Variants in OTUD7A observed in about 807,000 individuals in gnomAD.
OTUD7A encodes the protein OTU domain-containing protein 7A.
Under a neutral mutation model 65.7 loss-of-function variants are expected in OTUD7A, and 12 were observed. That is an observed-to-expected ratio of 0.18 (90% CI 0.12 to 0.30). The LOEUF (loss-of-function observed/expected upper bound fraction) is 0.30, where lower values mean the gene tolerates loss of function less well. Ranked by LOEUF, OTUD7A falls within the 10% of genes least tolerant of loss-of-function variation. The probability of loss-of-function intolerance (pLI) is 1.00; values close to 1 mark genes in which losing one functional copy is unlikely to be tolerated. For synonymous variants in OTUD7A, 641 were observed against 586.3 expected (o/e 1.09, Z -1.35); for missense variants, 1,148 against 1,304.8 (o/e 0.88, Z 1.85).
chr15:31,866,107 T>C (rs1897869146), intron 1 of OTUD7A, among the ~76,000 whole-genome samples: 1 of 152,264 alleles, frequency 6.6e-6, no homozygotes, highest in Non-Finnish European at 1.5e-5. Flanking sequence ...GTATTAGCAT[T>C]AATGTGTATT....
intron 3 of OTUD7A, among the ~76,000 whole-genome samples, chr15:31,620,376 G>A (rs1461318294): frequency 6.6e-6 from 1 of 152,048 alleles, no homozygotes; most frequent in African/African-American, 2.4e-5. Flanking sequence ...GGTAGAATTC[G>A]GCTGTGAATC....
At chr15:31,624,762 T>C (rs1890900816) in intron 3 of OTUD7A, among the ~76,000 whole-genome samples, 2 of 152,054 alleles carry the variant, frequency 1.3e-5, no homozygotes, top group East Asian at 1.9e-4. Flanking sequence ...GGGTGATAAG[T>C]CAGACTCAGG....
chr15:31,631,558 T>A (rs917452449), intron 3 of OTUD7A, among the ~76,000 whole-genome samples: 1 of 152,184 alleles, frequency 6.6e-6, no homozygotes, highest in African/African-American at 2.4e-5. Context: ...AATCTGATAA[T>A]TATGTGTCTT....
At chr15:31,796,138 G>GGTGTGT (rs1249888883) in intron 1 of OTUD7A, among the ~76,000 whole-genome samples, 5 of 35,752 alleles carry the variant, frequency 1.4e-4, no homozygotes, top group Non-Finnish European at 3.7e-4. Context: ...ACCAGTAAGG[G>GGTGTGT]GTGCGTGTGT....
intron 1 of OTUD7A, among the ~76,000 whole-genome samples, chr15:31,745,382 A>C (rs1894448762): frequency 6.6e-6 from 1 of 152,182 alleles, no homozygotes; most frequent in Non-Finnish European, 1.5e-5. Context: ...ATAGCTCAAT[A>C]GTACAAAATA....
At chr15:31,520,668 G>C (rs2041924989) in intron 8 of OTUD7A, among the ~76,000 whole-genome samples, 1 of 152,264 alleles carries the variant, frequency 6.6e-6, no homozygotes, top group East Asian at 1.9e-4. Context: ...ATAATGAAAA[G>C]GGAACACATG....
At chr15:31,539,986 T>C (rs527499871) in intron 5 of OTUD7A, among the ~76,000 whole-genome samples, 3 of 152,344 alleles carry the variant, frequency 2.0e-5, no homozygotes, top group African/African-American at 4.8e-5. Flanking sequence ...AACTCATTTG[T>C]CTCGATTAAG....
chr15:31,603,990 T>C (rs1025875225), intron 3 of OTUD7A, among the ~76,000 whole-genome samples: 1 of 152,206 alleles, frequency 6.6e-6, no homozygotes, highest in Non-Finnish European at 1.5e-5. Flanking sequence ...TTTTACACTG[T>C]TGGTGGGAGT....
chr15:31,536,022 C>G (rs1435449642), intron 5 of OTUD7A, among the ~76,000 whole-genome samples: 2 of 152,138 alleles, frequency 1.3e-5, no homozygotes, highest in Non-Finnish European at 2.9e-5. Flanking sequence ...CATCTTCATT[C>G]ACTCTTTCTC....
At chr15:31,684,165 A>C (rs1329102935) in intron 1 of OTUD7A, among the ~76,000 whole-genome samples, 1 of 152,200 alleles carries the variant, frequency 6.6e-6, no homozygotes, top group African/African-American at 2.4e-5. Flanking sequence ...AGCCTCCCTA[A>C]TCAATGGCCA....
chr15:31,655,799 T>C (rs1303648704), intron 2 of OTUD7A, among the ~76,000 whole-genome samples: 2 of 152,230 alleles, frequency 1.3e-5, no homozygotes, highest in African/African-American at 4.8e-5. Flanking sequence ...GAAAAAAGAC[T>C]ATTTTAAAAT....
intron 4 of OTUD7A, among the ~76,000 whole-genome samples, chr15:31,566,113 C>A (rs551533635): frequency 6.6e-6 from 1 of 151,670 alleles, no homozygotes; most frequent in South Asian, 2.1e-4. Flanking sequence ...ATGGTGTGAA[C>A]CCATGAGGCA....
At chr15:31,578,733 G>A (rs1235026217) in intron 3 of OTUD7A, among the ~76,000 whole-genome samples, 1 of 152,186 alleles carries the variant, frequency 6.6e-6, no homozygotes, top group African/African-American at 2.4e-5. Context: ...TGTATTTTTA[G>A]TAGAGGTGGG....
chr15:31,526,076 T>C (rs890261877), intron 8 of OTUD7A, among the ~76,000 whole-genome samples: 1 of 152,228 alleles, frequency 6.6e-6, no homozygotes, highest in African/African-American at 2.4e-5. Context: ...TCAAGGAAAG[T>C]GGCCTGGAGG....
intron 1 of OTUD7A, among the ~76,000 whole-genome samples, chr15:31,820,584 T>C (rs1384507318): frequency 6.6e-6 from 1 of 152,196 alleles, no homozygotes; most frequent in East Asian, 1.9e-4. Context: ...CATGCATGGA[T>C]ACCTATTGCT....
At chr15:31,812,320 G>A (rs1394318244) in intron 1 of OTUD7A, among the ~76,000 whole-genome samples, 3 of 152,126 alleles carry the variant, frequency 2.0e-5, no homozygotes, top group Admixed American at 6.5e-5. Context: ...AGGCAGTTAC[G>A]GCATCAACTG....
At chr15:31,602,095 C>T (rs1883582788) in intron 3 of OTUD7A, among the ~76,000 whole-genome samples, 1 of 151,974 alleles carries the variant, frequency 6.6e-6, no homozygotes, top group African/African-American at 2.4e-5. Context: ...TCCTCTCTAA[C>T]TCATTTTATG....
At chr15:31,846,999 T>A (rs930738257) in intron 1 of OTUD7A, among the ~76,000 whole-genome samples, 13 of 152,148 alleles carry the variant, frequency 8.5e-5, no homozygotes, top group East Asian at 5.8e-4. Context: ...GCCTTGTTGT[T>A]CCCTGCTAGG....
At chr15:31,514,227 T>A (rs1410262649) in intron 8 of OTUD7A, among the ~76,000 whole-genome samples, 1 of 151,934 alleles carries the variant, frequency 6.6e-6, no homozygotes, top group Non-Finnish European at 1.5e-5. Flanking sequence ...ACTTTTTTCA[T>A]TTTTGTAGAG....
Sources: allele counts gnomAD v4.1 joint callset (sites outside exome capture counted in the v4.1 genomes callset), GRCh38; gene constraint gnomAD v4.1.1; transcripts MANE v1.5; gene names NCBI Gene and HGNC (gene_info 2026-07-23, HGNC 2026-07-21).